Variants in ARHGAP15 observed in about 807,000 individuals in gnomAD.
ARHGAP15 encodes Rho GTPase activating protein 15.
ARHGAP15 carries 51 observed loss-of-function variants against 63.7 expected under a neutral mutation model. The observed-to-expected ratio is 0.80, with a 90% CI of 0.64 to 1.01. The LOEUF (loss-of-function observed/expected upper bound fraction) is 1.01. ARHGAP15 is among the 50% of genes least tolerant of loss of function. ARHGAP15 has a pLI of 0.00. For synonymous variants in ARHGAP15, 191 were observed against 193.8 expected (o/e 0.99, Z 0.12); for missense variants, 560 against 564.6 (o/e 0.99, Z 0.08).
intron 6 of ARHGAP15, among the ~76,000 whole-genome samples, chr2:143,322,667 A>T (rs913411059): frequency 6.6e-6 from 1 of 152,236 alleles, no homozygotes; most frequent in African/African-American, 2.4e-5. Context: ...ACCAAAAGTC[A>T]GCATTACCGT....
At chr2:143,234,287 AATCTGTATTTTGTGATTCTAAT>A (rs1383201957) in intron 5 of ARHGAP15, among the ~76,000 whole-genome samples, 32 of 152,202 alleles carry the variant, frequency 2.1e-4, no homozygotes, top group African/African-American at 6.5e-4. Flanking sequence ...GTTGTTTTAT[AATCTGTATTTTGTGATTCTAAT>A]ATCTAAATTT....
intron 6 of ARHGAP15, among the ~76,000 whole-genome samples, chr2:143,302,500 G>A (rs980060173): frequency 2.0e-5 from 3 of 151,930 alleles, no homozygotes; most frequent in Non-Finnish European, 2.9e-5. Context: ...TGAAAAATCT[G>A]CATTTCTGGT....
intron 4 of ARHGAP15, among the ~76,000 whole-genome samples, chr2:143,224,173 G>A (rs1030612397): frequency 3.3e-5 from 5 of 152,112 alleles, no homozygotes; most frequent in African/African-American, 1.2e-4. Flanking sequence ...GAAAGCTCAG[G>A]TATTGGACAC....
Position 143,168,776 on chromosome 2 carries a change from A to G in ARHGAP15, c.165+13121A>G, listed in dbSNP as rs867627286. ...TAAATCAACTTCGATTTAACTAGTC[A>G]TCTAATTATCATCATTTACTTTACA... On this transcript the variant is annotated intron_variant, in intron 2 of 13. Coordinates refer to ENST00000295095, the MANE Select transcript of ARHGAP15 (RefSeq NM_018460.4). Among the ~76,000 whole-genome samples the G allele has an allele frequency of 2.6e-5, 4 of 152,022 alleles. 1 individual carries two copies. The South Asian group carries it at 8.3e-4, about 32-fold the overall frequency.
intron 6 of ARHGAP15, among the ~76,000 whole-genome samples, chr2:143,310,074 TA>T (rs1428579539): frequency 2.6e-5 from 4 of 152,066 alleles, no homozygotes; most frequent in Non-Finnish European, 4.4e-5. Context: ...GAATATGGTC[TA>T]AAAGAATTGA....
chr2:143,380,784 T>C (rs1453092293), intron 6 of ARHGAP15, among the ~76,000 whole-genome samples: 1 of 152,170 alleles, frequency 6.6e-6, no homozygotes, highest in Non-Finnish European at 1.5e-5. Flanking sequence ...GGGCTCATGA[T>C]ACTGGGATAT....
chr2:143,474,739 T>G (rs1691732269), intron 8 of ARHGAP15, among the ~76,000 whole-genome samples: 1 of 152,226 alleles, frequency 6.6e-6, no homozygotes, highest in African/African-American at 2.4e-5. Context: ...ATTCACTCCA[T>G]GCTCTCTCAA....
At chr2:143,228,451 A>G (rs1462093815) in intron 4 of ARHGAP15, 130 bp from the exon 5 acceptor site, 4 of 463,694 alleles carry the variant, frequency 8.6e-6, no homozygotes, top group Non-Finnish European at 1.5e-5. Context: ...TTTAATAAAG[A>G]GGAGACTTTT....
At chr2:143,753,578 T>C (rs766679501) in intron 13 of ARHGAP15, among the ~76,000 whole-genome samples, 2 of 152,224 alleles carry the variant, frequency 1.3e-5, no homozygotes, top group Non-Finnish European at 2.9e-5. Flanking sequence ...GTACAGATGA[T>C]AAATTTATAT....
At chr2:143,539,249 G>A (rs140105939) in intron 10 of ARHGAP15, among the ~76,000 whole-genome samples, 4,909 of 152,028 alleles carry the variant, frequency 0.032, 116 homozygotes, top group Non-Finnish European at 0.05. Flanking sequence ...TTTTTATTGC[G>A]TCTATTTGAT....
In ARHGAP15 at chr2:143,768,243, T is replaced by C. The variant is rs2072985176; in HGVS notation, c.*71T>C. On this transcript the variant is annotated 3_prime_UTR_variant, in exon 14 of 14. Coordinates refer to ENST00000295095, the MANE Select transcript of ARHGAP15 (RefSeq NM_018460.4). ...TAATATTTTTACATTTCTGTAAACATATTTCTGAAATATTTTTTGCCTTTC... is the reference window on the plus strand; with the variant it reads ...TAATATTTTTACATTTCTGTAAACACATTTCTGAAATATTTTTTGCCTTTC... 1 of 1,453,792 alleles carries C rather than the reference T, an allele frequency of 6.9e-7. No homozygotes were observed. The highest frequency in any genetic ancestry group is 9.2e-7 in the Non-Finnish European group (1 of 1,084,950). The allele number at this position is 1,453,792 out of a possible 1,614,324, so 90.1% of individuals were successfully genotyped here. A position where few individuals can be genotyped will look rare whatever the true frequency, so the allele number is the denominator to read the frequency against.
chr2:143,177,577 G>A (rs1360757273), intron 2 of ARHGAP15, among the ~76,000 whole-genome samples: 1 of 152,150 alleles, frequency 6.6e-6, no homozygotes, highest in Non-Finnish European at 1.5e-5. Flanking sequence ...TCTCTGACAG[G>A]GAGTGTTCTA....
chr2:143,298,287 A>G (rs376991712), intron 6 of ARHGAP15, among the ~76,000 whole-genome samples: 3 of 152,000 alleles, frequency 2.0e-5, no homozygotes, highest in African/African-American at 7.2e-5. Flanking sequence ...AAAAAAGGTA[A>G]TGTTAGGATT....
At chr2:143,763,659 T>TAAATTGCATATATATGC (rs1367114290) in intron 13 of ARHGAP15, among the ~76,000 whole-genome samples, 4 of 148,684 alleles carry the variant, frequency 2.7e-5, no homozygotes, top group African/African-American at 7.5e-5. Flanking sequence ...TGCATATATA[T>TAAATTGCATATATATGC]AAATTGCATA....
At chr2:143,344,000 A>T (rs935386942) in intron 6 of ARHGAP15, 1 of 152,130 alleles carries the variant, frequency 6.6e-6, no homozygotes, top group Non-Finnish European at 1.5e-5. Flanking sequence ...GTTAATGCAA[A>T]TTTAAATATC....
intron 12 of ARHGAP15, among the ~76,000 whole-genome samples, chr2:143,673,758 G>GTGTGTGTATATATATATA (rs1553520615): frequency 1.8e-4 from 4 of 22,128 alleles, no homozygotes; most frequent in Non-Finnish European, 2.8e-4. Context: ...GTGTGTGTGT[G>GTGTGTGTATATATATATA]TATATATATA....
At chr2:143,269,606 C>T (rs1681168099) in intron 6 of ARHGAP15, among the ~76,000 whole-genome samples, 1 of 152,136 alleles carries the variant, frequency 6.6e-6, no homozygotes, top group African/African-American at 2.4e-5. Context: ...TTTTAAATCT[C>T]TGAGTTGGTT....
chr2:143,728,333 A>AT (rs1209926738), intron 13 of ARHGAP15, among the ~76,000 whole-genome samples: 1 of 152,092 alleles, frequency 6.6e-6, no homozygotes. Flanking sequence ...TAATGGCCTT[A>AT]TTTTTAACTT....
chr2:143,139,651 A>G (rs138476078), intron 1 of ARHGAP15, among the ~76,000 whole-genome samples: 26 of 152,266 alleles, frequency 1.7e-4, no homozygotes, highest in African/African-American at 5.8e-4. Context: ...AGCTTTTAGT[A>G]GACTTCGTAG....
Sources: allele counts gnomAD v4.1 joint callset (sites outside exome capture counted in the v4.1 genomes callset), GRCh38; gene constraint gnomAD v4.1.1; transcripts MANE v1.5; gene names NCBI Gene and HGNC (gene_info 2026-07-23, HGNC 2026-07-21).